The following CDC27 variants were observed in gnomAD, a reference collection of about 807,000 sequenced individuals.
CDC27 encodes cell division cycle 27.
A neutral mutation model predicts 109.7 loss-of-function variants in CDC27; 27 were observed. The observed-to-expected ratio is 0.25, with a 90% CI of 0.18 to 0.34. CDC27 has a LOEUF of 0.34. CDC27 is among the 10% of genes least tolerant of loss of function. The pLI is 1.00. For synonymous variants in CDC27, 266 were observed against 333.9 expected (o/e 0.80, Z 2.22); for missense variants, 579 against 960.2 (o/e 0.60, Z 5.25).
At chr17:47,171,720 C>T (rs2063816843) in intron 3 of CDC27, among the ~76,000 whole-genome samples, 197 bp downstream of exon 3, 1 of 152,068 alleles carries the variant, frequency 6.6e-6, no homozygotes, top group Non-Finnish European at 1.5e-5. Context: ...GAGTTAAACT[C>T]TATTATTTAT....
At chr17:47,188,748 T>C (rs2064549164) in intron 1 of CDC27, 2 of 1,037,838 alleles carry the variant, frequency 1.9e-6, no homozygotes, top group Non-Finnish European at 2.3e-6. Flanking sequence ...TGCCCTACCG[T>C]CACGAAGATC....
chr17:47,126,565 C>T (rs1360789037), intron 16 of CDC27, among the ~76,000 whole-genome samples: 1 of 152,172 alleles, frequency 6.6e-6, no homozygotes, highest in Non-Finnish European at 1.5e-5. Context: ...GTCCAGACAA[C>T]TGATGAGATT....
intron 9 of CDC27, 120 bp downstream of exon 9, chr17:47,151,686 T>C: frequency 1.4e-6 from 1 of 720,046 alleles, no homozygotes; most frequent in Non-Finnish European, 2.1e-6. Flanking sequence ...AAATTTTACA[T>C]CTTCAAAATT....
At chr17:47,165,032 CCTT>C (rs1410518548) in intron 4 of CDC27, among the ~76,000 whole-genome samples, 1 of 152,170 alleles carries the variant, frequency 6.6e-6, no homozygotes, top group Non-Finnish European at 1.5e-5. Flanking sequence ...GATCTGTTCT[CCTT>C]CACTATAATT....
In CDC27 at chr17:47,157,012, C is replaced by T. The variant is rs764946481; in HGVS notation, c.743G>A (p.Gly248Glu). The T allele has an allele frequency of 8.9e-5, 139 of 1,564,462 alleles. No individual in the cohort carries two copies. Among genetic ancestry groups the T allele is most frequent in the Non-Finnish European group, 1.2e-4 (138 of 1,140,220 alleles). The change falls in exon 7 of 19, where the codon GGA becomes GAA. Residue 248 changes from glycine (G) to glutamate (E), a missense_variant. Physicochemically the swap from Gly to Glu is moderately conservative, Grantham distance 98. Coordinates refer to ENST00000066544, the MANE Select transcript of CDC27 (RefSeq NM_001256.6). ...TTTAGATAATATGGAAGTTCCTGTT[C>T]CCAGTGGGACAGTATCAGGTGAAAT... ...AVISPDTVPL[G>E]TGTSILSKQV...
At chr17:47,130,875 C>T (rs2062306277) in intron 15 of CDC27, among the ~76,000 whole-genome samples, 1 of 90,348 alleles carries the variant, frequency 1.1e-5, no homozygotes, top group Non-Finnish European at 2.4e-5. Flanking sequence ...GAAACTCCAT[C>T]TCAAAAAAAA....
chr17:47,152,755 C>G (rs2063188712), intron 8 of CDC27, among the ~76,000 whole-genome samples: 1 of 152,156 alleles, frequency 6.6e-6, no homozygotes, highest in African/African-American at 2.4e-5. Flanking sequence ...CTTATTTTAG[C>G]CTTTCCTGCA....
At chr17:47,180,487 T>A (rs1473636598) in intron 2 of CDC27, among the ~76,000 whole-genome samples, 2 of 152,090 alleles carry the variant, frequency 1.3e-5, no homozygotes. Flanking sequence ...TTGCTCTTTG[T>A]CCTTTTGTGA....
At chr17:47,158,761 G>A (rs553732108) in intron 4 of CDC27, among the ~76,000 whole-genome samples, 1 of 151,956 alleles carries the variant, frequency 6.6e-6, no homozygotes, top group Non-Finnish European at 1.5e-5. Context: ...TGAGACTATA[G>A]GTGCGCACCA....
Position 47,137,106 on chromosome 17 carries a change from C to T in CDC27, c.1913+46G>A, listed in dbSNP as rs747578619. The T allele has an allele frequency of 3.4e-6, 4 of 1,181,654 alleles. No homozygotes were observed. In the South Asian group the frequency reaches 4.6e-5, roughly 14 times the overall value. The allele number at this position is 1,181,654 out of a possible 1,614,324, so 73.2% of individuals were successfully genotyped here. On this transcript the variant is annotated intron_variant, in intron 14 of 18. Coordinates refer to ENST00000066544, the MANE Select transcript of CDC27 (RefSeq NM_001256.6). Reference sequence around the variant, plus strand: ...TCTAACAAGAAAAATTAGTAAGTACCAGCACCATCAATACGACTTTGTCTT... The same window carrying T: ...TCTAACAAGAAAAATTAGTAAGTACTAGCACCATCAATACGACTTTGTCTT...
intron 9 of CDC27, among the ~76,000 whole-genome samples, chr17:47,146,805 C>T (rs973680291): frequency 1.3e-5 from 2 of 152,144 alleles, no homozygotes; most frequent in African/African-American, 4.8e-5. Flanking sequence ...TGGCTCACAC[C>T]TGTAATCCCA....
At chr17:47,186,950 T>G (rs1259829984) in intron 1 of CDC27, among the ~76,000 whole-genome samples, 1 of 152,186 alleles carries the variant, frequency 6.6e-6, no homozygotes, top group Non-Finnish European at 1.5e-5. Flanking sequence ...ATCTGTCCTA[T>G]TTTTATTCTC....
chr17:47,133,028 T>TATATATATATAC (rs1555783886), intron 14 of CDC27, among the ~76,000 whole-genome samples: 26 of 29,820 alleles, frequency 8.7e-4, no homozygotes, highest in Non-Finnish European at 9.9e-4. Flanking sequence ...TATATATATA[T>TATATATATATAC]ACACACACAC....
chr17:47,144,641 G>A (rs1470295330), intron 9 of CDC27, among the ~76,000 whole-genome samples: 1 of 152,172 alleles, frequency 6.6e-6, no homozygotes, highest in Non-Finnish European at 1.5e-5. Flanking sequence ...CCTGAGATAT[G>A]AGAATTTCAA....
chr17:47,125,672 T>C (rs1396939084), intron 16 of CDC27, among the ~76,000 whole-genome samples: 2 of 150,780 alleles, frequency 1.3e-5, no homozygotes, highest in Non-Finnish European at 3.0e-5. Context: ...GCCTCCCAAG[T>C]AGCTGTGATT....
At chr17:47,134,867 T>G (rs748773303) in intron 14 of CDC27, among the ~76,000 whole-genome samples, 1 of 150,984 alleles carries the variant, frequency 6.6e-6, no homozygotes, top group African/African-American at 2.4e-5. Flanking sequence ...TCAAGTAATC[T>G]TCCAGCTTCA....
At chr17:47,133,018 TATATATATATACAC>T (rs1365587484) in intron 14 of CDC27, among the ~76,000 whole-genome samples, 7 of 47,288 alleles carry the variant, frequency 1.5e-4, no homozygotes, top group Admixed American at 1.4e-3. Context: ...TATATATATA[TATATATATATACAC>T]ACACACACAC....
chr17:47,136,166 A>G (rs547394977), intron 14 of CDC27, among the ~76,000 whole-genome samples: 16 of 152,248 alleles, frequency 1.1e-4, no homozygotes, highest in African/African-American at 3.8e-4. Flanking sequence ...CAAACAAAAA[A>G]AAAACTGAGT....
At chr17:47,189,000 A>C (rs1210230381) in intron 1 of CDC27, 146 bp downstream of exon 1, 2 of 1,496,668 alleles carry the variant, frequency 1.3e-6, no homozygotes, top group Non-Finnish European at 1.8e-6. Flanking sequence ...AGGCCTCCGA[A>C]CTGACTAAAG....
Sources: allele counts gnomAD v4.1 joint callset (sites outside exome capture counted in the v4.1 genomes callset), GRCh38; gene constraint gnomAD v4.1.1; transcripts MANE v1.5; gene names NCBI Gene and HGNC (gene_info 2026-07-23, HGNC 2026-07-21).